CSMD3: variants seen among roughly 807,000 people sequenced by gnomAD.
The protein encoded by CSMD3 is CUB and Sushi multiple domains 3.
A neutral mutation model predicts 435.2 loss-of-function variants in CSMD3; 177 were observed. The observed-to-expected ratio is 0.41, with a 90% CI of 0.36 to 0.46. The LOEUF (loss-of-function observed/expected upper bound fraction) is 0.46, where lower values mean the gene tolerates loss of function less well. Among genes scored for constraint, CSMD3 ranks in the 20% least tolerant of loss-of-function variants. The probability of loss-of-function intolerance (pLI) is 0.34; values close to 1 mark genes in which losing one functional copy is unlikely to be tolerated. For synonymous variants in CSMD3, 1,656 were observed against 1,520.5 expected, an observed-to-expected ratio of 1.09 and a Z score of -2.07; for missense variants, 4,265 against 4,504.6, an observed-to-expected ratio of 0.95 and a Z score of 1.52.
Position 112,431,900 on chromosome 8 carries a change from C to T in CSMD3, c.5396-22868G>A, listed in dbSNP as rs558554906. Among the ~76,000 whole-genome samples, 22 of 152,244 alleles carry T rather than the reference C, an allele frequency of 1.4e-4. No homozygotes were observed. In the South Asian group the frequency reaches 4.3e-3, roughly 30 times the overall value. On this transcript the variant is annotated intron_variant, in intron 32 of 70. Coordinates refer to ENST00000297405, the MANE Select transcript of CSMD3 (RefSeq NM_198123.2). ...CTTTATTTTCATACTAATTTCCACA[C>T]CTCTATGCACAGCTTGAAAATCTTT...
chr8:112,587,830 T>C (rs1324469713), intron 22 of CSMD3, among the ~76,000 whole-genome samples: 1 of 151,876 alleles, frequency 6.6e-6, no homozygotes, highest in Non-Finnish European at 1.5e-5. Context: ...TTAGAAATTA[T>C]ATCACCTTTC....
chr8:112,430,794 G>A (rs1444860883), intron 32 of CSMD3, among the ~76,000 whole-genome samples: 1 of 151,998 alleles, frequency 6.6e-6, no homozygotes, highest in Admixed American at 6.6e-5. Context: ...ACTATAAAAT[G>A]TAATATGGAG....
At chr8:112,373,759 C>T (rs1828675176) in intron 38 of CSMD3, among the ~76,000 whole-genome samples, 1 of 152,054 alleles carries the variant, frequency 6.6e-6, no homozygotes, top group South Asian at 2.1e-4. Context: ...TTATGATGCC[C>T]TTTTCATAAG....
At chr8:112,986,967 C>T (rs1587831746) in intron 6 of CSMD3, among the ~76,000 whole-genome samples, 1 of 152,088 alleles carries the variant, frequency 6.6e-6, no homozygotes, top group East Asian at 1.9e-4. Flanking sequence ...TCATCTTCCT[C>T]TAGCATATAT....
At chr8:113,108,985 T>A (rs990205911) in intron 4 of CSMD3, among the ~76,000 whole-genome samples, 1 of 152,084 alleles carries the variant, frequency 6.6e-6, no homozygotes, top group Admixed American at 6.5e-5. Context: ...ACTCAAACAA[T>A]CATAAAGAAG....
At chr8:113,177,362 T>C (rs1024740570) in intron 3 of CSMD3, among the ~76,000 whole-genome samples, 1 of 152,020 alleles carries the variant, frequency 6.6e-6, no homozygotes, top group South Asian at 2.1e-4. Flanking sequence ...GCTAGACACA[T>C]TATACTTGTT....
chr8:113,298,926 G>C (rs1588465767), intron 2 of CSMD3, among the ~76,000 whole-genome samples: 1 of 152,116 alleles, frequency 6.6e-6, no homozygotes, highest in Non-Finnish European at 1.5e-5. Flanking sequence ...CATATTTGTT[G>C]AAGGAAGATA....
rs778555238 is a variant in CSMD3 at position 112,492,675 on chromosome 8, G to C, written c.5092C>G (p.Arg1698Gly). The C allele has an allele frequency of 6.2e-7, 1 of 1,613,142 alleles. No homozygotes were observed. The highest frequency in any genetic ancestry group is 8.5e-7 in the Non-Finnish European group (1 of 1,179,270). Residue 1698 changes from arginine (R) to glycine (G), a missense_variant, in exon 31 of 71, where the codon CGA (arginine) becomes GGA (glycine). Arg to Gly is a moderately radical substitution (Grantham distance 125). Coordinates refer to ENST00000297405, the MANE Select transcript of CSMD3 (RefSeq NM_198123.2). Reference sequence around the variant, plus strand: ...TTGCCTGGATCAAAGCAGGACTCTCGCAGTTTTGCTGTAAAACAGTGTTAG... The same window carrying C: ...TTGCCTGGATCAAAGCAGGACTCTCCCAGTTTTGCTGTAAAACAGTGTTAG... ...GFHLEYKAKL[R>G]ESCFDPGNIM...
chr8:112,365,892 A>C (rs1035483551), intron 38 of CSMD3, among the ~76,000 whole-genome samples: 4 of 152,192 alleles, frequency 2.6e-5, no homozygotes, highest in African/African-American at 2.4e-5. Flanking sequence ...TTGCCTAGAC[A>C]TCTCAACTGA....
chr8:112,313,268 G>T (rs187552660), intron 49 of CSMD3, among the ~76,000 whole-genome samples: 1 of 152,074 alleles, frequency 6.6e-6, no homozygotes, highest in African/African-American at 2.4e-5. Flanking sequence ...TAAGCATCAC[G>T]CAAGGAAAAG....
At chr8:113,340,690 C>A (rs542749605) in intron 1 of CSMD3, among the ~76,000 whole-genome samples, 2 of 152,026 alleles carry the variant, frequency 1.3e-5, no homozygotes, top group Non-Finnish European at 2.9e-5. Context: ...GTCAGAGCAA[C>A]ATGAAACCCT....
intron 32 of CSMD3, among the ~76,000 whole-genome samples, chr8:112,429,393 T>C (rs947829976): frequency 2.0e-5 from 3 of 152,032 alleles, no homozygotes; most frequent in African/African-American, 7.2e-5. Context: ...AGAAACTCTG[T>C]GCTTCATGTT....
intron 2 of CSMD3, among the ~76,000 whole-genome samples, chr8:113,302,331 T>A (rs907504995): frequency 1.4e-5 from 2 of 142,178 alleles, no homozygotes; most frequent in African/African-American, 2.6e-5. Flanking sequence ...TAATATAATA[T>A]AATAATAAAA....
intron 10 of CSMD3, among the ~76,000 whole-genome samples, chr8:112,872,184 T>G (rs1283605700): frequency 6.6e-6 from 1 of 152,036 alleles, no homozygotes; most frequent in Non-Finnish European, 1.5e-5. Flanking sequence ...GAACTATCAA[T>G]AAGTAGTTCA....
At chr8:113,436,531 G>A (rs945643235) in intron 1 of CSMD3, 146 bp downstream of exon 1, 3 of 820,156 alleles carry the variant, frequency 3.7e-6, no homozygotes, top group Non-Finnish European at 6.3e-6. Context: ...CTATCTGAGG[G>A]GGGGAGAACG....
chr8:112,243,113 C>G (rs1418811150), intron 65 of CSMD3, among the ~76,000 whole-genome samples: 1 of 151,972 alleles, frequency 6.6e-6, no homozygotes, highest in Non-Finnish European at 1.5e-5. Flanking sequence ...TGAGTGAAGT[C>G]TCTCATGAGA....
At chr8:113,263,891 CTATTA>C (rs1171627649) in intron 3 of CSMD3, among the ~76,000 whole-genome samples, 2 of 151,592 alleles carry the variant, frequency 1.3e-5, no homozygotes, top group Non-Finnish European at 3.0e-5. Context: ...AAATTTGAGG[CTATTA>C]TTTTATTCAT....
intron 66 of CSMD3, among the ~76,000 whole-genome samples, chr8:112,241,219 T>C (rs183910428): frequency 3.9e-5 from 6 of 152,154 alleles, no homozygotes; most frequent in South Asian, 2.1e-4. Context: ...TCAGAGAGTA[T>C]ATAAAATGAG....
intron 27 of CSMD3, among the ~76,000 whole-genome samples, chr8:112,529,497 G>A (rs1269612815): frequency 1.3e-5 from 2 of 152,134 alleles, no homozygotes; most frequent in Admixed American, 6.6e-5. Flanking sequence ...TGAGGCAGAA[G>A]GATCAGTTTG....
Sources: allele counts gnomAD v4.1 joint callset (sites outside exome capture counted in the v4.1 genomes callset), GRCh38; gene constraint gnomAD v4.1.1; transcripts MANE v1.5; gene names NCBI Gene and HGNC (gene_info 2026-07-23, HGNC 2026-07-21).